CTNNA3: variants seen among roughly 807,000 people sequenced by gnomAD.
CTNNA3 encodes the protein catenin alpha-3.
CTNNA3 carries 76 observed loss-of-function variants against 95.7 expected under a neutral mutation model. The observed-to-expected ratio is 0.79, with a 90% CI of 0.66 to 0.96. CTNNA3 has a LOEUF of 0.96. Among genes scored for constraint, CTNNA3 ranks in the 40% least tolerant of loss-of-function variants. CTNNA3 has a pLI of 0.00. For missense variants in CTNNA3, 1,191 were observed against 1,089.8 expected (o/e 1.09, Z -1.31); for synonymous variants, 431 against 374.4 (o/e 1.15, Z -1.74).
intron 15 of CTNNA3, among the ~76,000 whole-genome samples, chr10:66,004,160 T>C (rs1386059185): frequency 6.6e-6 from 1 of 152,226 alleles, no homozygotes; most frequent in Non-Finnish European, 1.5e-5. Flanking sequence ...TTTATGTCAG[T>C]ATGCATCTTA....
At chr10:65,991,501 G>A (rs773524861) in intron 15 of CTNNA3, among the ~76,000 whole-genome samples, 1 of 151,442 alleles carries the variant, frequency 6.6e-6, no homozygotes, top group Non-Finnish European at 1.5e-5. Context: ...TTATTCCTAG[G>A]CTTTTTTTTT....
At chr10:67,087,106 G>A (rs1465644116) in intron 7 of CTNNA3, among the ~76,000 whole-genome samples, 2 of 152,146 alleles carry the variant, frequency 1.3e-5, no homozygotes, top group African/African-American at 4.8e-5. Flanking sequence ...ACTTTACCTG[G>A]CAATAGTACC....
Position 66,377,651 on chromosome 10 carries a change from G to A in CTNNA3, c.1732+1501C>T, listed in dbSNP as rs1373025253. 4.0e-5 allele frequency among the ~76,000 whole-genome samples: 6 copies of A among 149,420 alleles called. No homozygotes were observed. In the South Asian group the frequency reaches 1.3e-3, roughly 32 times the overall value. On this transcript the variant is annotated intron_variant, in intron 12 of 17. Coordinates refer to ENST00000433211, the MANE Select transcript of CTNNA3 (RefSeq NM_013266.4). Reference sequence around the variant, plus strand: ...AATTCCTGATAGGAAATTTTTATTTGTCTAAAAAAAAAACCCCTGTTACAT... The same window carrying A: ...AATTCCTGATAGGAAATTTTTATTTATCTAAAAAAAAAACCCCTGTTACAT...
At chr10:67,579,698 C>T (rs1447616413) in intron 3 of CTNNA3, among the ~76,000 whole-genome samples, 2 of 152,198 alleles carry the variant, frequency 1.3e-5, no homozygotes, top group Non-Finnish European at 2.9e-5. Flanking sequence ...TATTTCTCCA[C>T]ATCCTCTCCA....
chr10:67,226,790 A>G lies in CTNNA3; in HGVS notation c.580-6920T>C, dbSNP rs535885720. ...AGAACCTCTTTAAAGCAGAAATCAT[A>G]CAGGACCTATAAAACAAAACTACAA... On this transcript the variant is annotated intron_variant, in intron 5 of 17. Coordinates refer to ENST00000433211, the MANE Select transcript of CTNNA3 (RefSeq NM_013266.4). Among the ~76,000 whole-genome samples, 12 of 152,338 alleles carry G rather than the reference A, an allele frequency of 7.9e-5. No individual in the cohort carries two copies. The South Asian group carries it at 2.5e-3, about 32-fold the overall frequency.
chr10:66,702,611 C>A (rs955243155), intron 9 of CTNNA3, among the ~76,000 whole-genome samples: 2 of 146,718 alleles, frequency 1.4e-5, no homozygotes, highest in Non-Finnish European at 3.0e-5. Flanking sequence ...GAGGCTGAGG[C>A]AGGAGAATCA....
Position 66,317,689 on chromosome 10 carries a change from T to C in CTNNA3, c.1733-37068A>G, listed in dbSNP as rs1451235738. The stretch of plus-strand genomic sequence containing the variant: ...CTCTGTCTCAAAAAATTAAAAAAAA[T>C]TTAAAATGAGAAAAGAAATTTTATA... On this transcript the variant is annotated intron_variant, in intron 12 of 17. Coordinates refer to ENST00000433211, the MANE Select transcript of CTNNA3 (RefSeq NM_013266.4). 6.7e-5 allele frequency among the ~76,000 whole-genome samples: 8 copies of C among 119,662 alleles called. No individual in the cohort carries two copies. In the South Asian group the frequency reaches 2.0e-3, roughly 30 times the overall value. 78.5% of individuals were successfully genotyped at this position (119,662 alleles called of 152,430 possible). A position where few individuals can be genotyped will look rare whatever the true frequency, so the allele number is the denominator to read the frequency against.
intron 6 of CTNNA3, among the ~76,000 whole-genome samples, chr10:67,203,927 G>C (rs1012687496): frequency 1.3e-5 from 2 of 152,128 alleles, no homozygotes; most frequent in African/African-American, 4.8e-5. Flanking sequence ...CTACAGAAAA[G>C]GTGTAGTGAT....
intron 5 of CTNNA3, among the ~76,000 whole-genome samples, chr10:67,458,360 C>T (rs1193115238): frequency 6.6e-6 from 1 of 152,036 alleles, no homozygotes; most frequent in African/African-American, 2.4e-5. Context: ...AAGACCAGAA[C>T]AAAGAGTAAC....
chr10:66,455,511 C>A (rs1413703008), intron 11 of CTNNA3, among the ~76,000 whole-genome samples: 1 of 152,100 alleles, frequency 6.6e-6, no homozygotes, highest in Non-Finnish European at 1.5e-5. Flanking sequence ...CTCTAGGTGT[C>A]CCCACTGCTC....
At chr10:66,739,909 T>C (rs1849270650) in intron 9 of CTNNA3, among the ~76,000 whole-genome samples, 1 of 152,024 alleles carries the variant, frequency 6.6e-6, no homozygotes, top group African/African-American at 2.4e-5. Flanking sequence ...CAAAGAAAAA[T>C]TCTAATTTCT....
At chr10:66,391,334 T>G (rs922647398) in intron 11 of CTNNA3, among the ~76,000 whole-genome samples, 2 of 152,126 alleles carry the variant, frequency 1.3e-5, no homozygotes, top group Non-Finnish European at 2.9e-5. Flanking sequence ...AGAAAGTCAT[T>G]GAAGGCTTCA....
chr10:66,730,912 T>C (rs1848939517), intron 9 of CTNNA3, among the ~76,000 whole-genome samples: 1 of 152,238 alleles, frequency 6.6e-6, no homozygotes, highest in Non-Finnish European at 1.5e-5. Context: ...CAAAAATGCA[T>C]GTTTATCTAA....
At chr10:66,984,585 A>G (rs1850623086) in intron 7 of CTNNA3, among the ~76,000 whole-genome samples, 2 of 152,198 alleles carry the variant, frequency 1.3e-5, no homozygotes, top group South Asian at 4.1e-4. Flanking sequence ...GATCTTCAAA[A>G]TACTTCTCAA....
At chr10:67,478,504 C>T (rs1242912312) in intron 5 of CTNNA3, among the ~76,000 whole-genome samples, 1 of 151,962 alleles carries the variant, frequency 6.6e-6, no homozygotes, top group African/African-American at 2.4e-5. Flanking sequence ...GAAATTTCAA[C>T]CAAGAATTTC....
intron 5 of CTNNA3, among the ~76,000 whole-genome samples, chr10:67,513,110 C>A (rs1021940935): frequency 2.0e-5 from 3 of 152,166 alleles, no homozygotes; most frequent in African/African-American, 7.2e-5. Context: ...TTAAAAGCAT[C>A]TTTGTTGTTC....
chr10:66,553,909 A>G (rs1286880333), intron 10 of CTNNA3, among the ~76,000 whole-genome samples: 1 of 152,106 alleles, frequency 6.6e-6, no homozygotes, highest in African/African-American at 2.4e-5. Context: ...AAGCTGAATT[A>G]TAGGCTATTT....
intron 10 of CTNNA3, among the ~76,000 whole-genome samples, chr10:66,601,021 C>A (rs144466947): frequency 6.6e-6 from 1 of 151,680 alleles, no homozygotes; most frequent in African/African-American, 2.4e-5. Context: ...GAGTAGTCAC[C>A]TAAAATCTCT....
intron 5 of CTNNA3, among the ~76,000 whole-genome samples, chr10:67,227,052 T>C (rs1864953556): frequency 6.6e-6 from 1 of 151,402 alleles, no homozygotes; most frequent in Non-Finnish European, 1.5e-5. Context: ...AGGTATTTCA[T>C]GCAAATGGAC....
Sources: gnomAD v4.1 joint callset for allele counts (sites outside exome capture counted in the v4.1 genomes callset) on GRCh38, gnomAD v4.1.1 for gene constraint, MANE v1.5 for transcripts, NCBI Gene and HGNC (gene_info 2026-07-23, HGNC 2026-07-21) for gene names.